The following ELOVL2 variants were observed in gnomAD, a reference collection of about 807,000 sequenced individuals.
ELOVL2 encodes ELOVL fatty acid elongase 2, also known as very long chain fatty acid elongase 2.
In ELOVL2, 38 loss-of-function variants were observed where a neutral mutation model predicts 37.7. The observed-to-expected ratio is 1.01, with a 90% CI of 0.78 to 1.32. The LOEUF is 1.32. ELOVL2 is among the 40% of genes most tolerant of loss of function. The pLI, the probability that ELOVL2 is intolerant of heterozygous loss-of-function variation, is 0.00. For synonymous variants in ELOVL2, 115 were observed against 122.3 expected (o/e 0.94, Z 0.40); for missense variants, 352 against 363.6 (o/e 0.97, Z 0.26).
Position 10,989,691 on chromosome 6 carries a change from C to A in ELOVL2, c.765+12G>T. The A allele has an allele frequency of 6.2e-7, 1 of 1,608,762 alleles. No homozygotes were observed. Among genetic ancestry groups the A allele is most frequent in the African/African-American group, 1.3e-5 (1 of 74,586 alleles). Reference sequence around the variant, plus strand: ...ATTACATTTTACTGCTGAATATTTACATTCCACGTACCTGAACGTAAAAAT... The same window carrying A: ...ATTACATTTTACTGCTGAATATTTAAATTCCACGTACCTGAACGTAAAAAT... On this transcript the variant is annotated intron_variant, in intron 7 of 7. Coordinates refer to ENST00000354666, the MANE Select transcript of ELOVL2 (RefSeq NM_017770.4).
chr6:11,010,909 A>G, intron 1 of ELOVL2, 100 bp from the exon 2 acceptor site: 2 of 874,410 alleles, frequency 2.3e-6, no homozygotes, highest in South Asian at 3.0e-5. Flanking sequence ...ACAGACTTTC[A>G]AAGGGTCCCA....
intron 1 of ELOVL2, among the ~76,000 whole-genome samples, chr6:11,038,863 A>T (rs574001839): frequency 6.6e-6 from 1 of 152,364 alleles, no homozygotes; most frequent in African/African-American, 2.4e-5. Context: ...ATTTATCAAG[A>T]GATTAATGAT....
intron 5 of ELOVL2, 149 bp downstream of exon 5, chr6:10,994,858 G>A (rs963958099): frequency 1.5e-5 from 9 of 599,416 alleles, no homozygotes; most frequent in Non-Finnish European, 2.6e-5. Context: ...CATGACCCCT[G>A]GCAGACACGG....
intron 1 of ELOVL2, among the ~76,000 whole-genome samples, chr6:11,029,223 C>CAAAAAAAAAAAAAAAAAAAAAAA (rs376639413): frequency 1.3e-5 from 1 of 75,788 alleles, no homozygotes; most frequent in African/African-American, 5.2e-5. Flanking sequence ...AGGGAGATCT[C>CAAAAAAAAAAAAAAAAAAAAAAA]AAAAAAAAAA....
chr6:11,001,555 T>G (rs1003501852), intron 3 of ELOVL2, among the ~76,000 whole-genome samples: 1 of 152,218 alleles, frequency 6.6e-6, no homozygotes, highest in Non-Finnish European at 1.5e-5. Context: ...ATGGTCAGGT[T>G]GTAGTTCTGT....
intron 1 of ELOVL2, among the ~76,000 whole-genome samples, chr6:11,022,589 T>C (rs1292686685): frequency 6.6e-6 from 1 of 152,232 alleles, no homozygotes; most frequent in Non-Finnish European, 1.5e-5. Flanking sequence ...ACATAAATTA[T>C]ATACACACAA....
At chr6:10,983,930 G>A in intron 7 of ELOVL2, 24 bp from the exon 8 acceptor site, 2 of 1,586,584 alleles carry the variant, frequency 1.3e-6, no homozygotes, top group Admixed American at 1.8e-5. Context: ...ATATTTTGAA[G>A]AGAAAAATAA....
At chr6:10,997,522 A>G (rs1385454075) in intron 4 of ELOVL2, among the ~76,000 whole-genome samples, 2 of 152,236 alleles carry the variant, frequency 1.3e-5, no homozygotes, top group East Asian at 1.9e-4. Flanking sequence ...CTTCTAACCA[A>G]TAACAGTTCT....
chr6:11,019,737 G>T (rs950937004), intron 1 of ELOVL2, among the ~76,000 whole-genome samples: 5 of 149,804 alleles, frequency 3.3e-5, no homozygotes, highest in Admixed American at 6.7e-5. Flanking sequence ...TTTAGTTTTT[G>T]TTGTTGTTGT....
chr6:10,985,489 G>A (rs1413595470), intron 7 of ELOVL2, among the ~76,000 whole-genome samples: 3 of 129,804 alleles, frequency 2.3e-5, no homozygotes, highest in South Asian at 2.8e-4. Flanking sequence ...TAGGTCTAAC[G>A]TTTAAGTCTT....
intron 1 of ELOVL2, among the ~76,000 whole-genome samples, chr6:11,024,595 T>C (rs1468965741): frequency 6.6e-6 from 1 of 152,214 alleles, no homozygotes; most frequent in Non-Finnish European, 1.5e-5. Flanking sequence ...ACAATGATAA[T>C]GAGTCTCTTT....
At chr6:11,022,403 C>G (rs1480509059) in intron 1 of ELOVL2, among the ~76,000 whole-genome samples, 1 of 152,166 alleles carries the variant, frequency 6.6e-6, no homozygotes, top group African/African-American at 2.4e-5. Context: ...AGAGAGGGGC[C>G]TGAGCAAGAG....
intron 2 of ELOVL2, among the ~76,000 whole-genome samples, chr6:11,010,000 C>G (rs1348409028): frequency 6.6e-6 from 1 of 151,282 alleles, no homozygotes; most frequent in Non-Finnish European, 1.5e-5. Flanking sequence ...CCTACGGGCC[C>G]CGGGCAGAGA....
intron 1 of ELOVL2, among the ~76,000 whole-genome samples, chr6:11,033,539 A>C (rs928811490): frequency 3.3e-5 from 5 of 152,226 alleles, no homozygotes; most frequent in African/African-American, 1.2e-4. Flanking sequence ...GATTATGTAG[A>C]GCTCTTAAGA....
In ELOVL2 at chr6:10,983,906, T is replaced by C. The variant is rs1781991503; in HGVS notation, c.766A>G (p.Thr256Ala). Residue 256 changes from threonine (T) to alanine (A), a missense_variant and splice_region_variant, in exon 8 of 8, where the codon ACA becomes GCA. Thr to Ala is a moderately conservative substitution (Grantham distance 58, BLOSUM62 0). Transcript: ENST00000354666. ...TTCTTCATTGGCTTTTTTCGGTATG[T>C]CTGTTGGATGTGTATATTTTGAAGA... ...VILFLNFYVQ[T>A]YRKKPMKKDM... 1.2e-6 allele frequency: 2 copies of C among 1,609,940 alleles called. No homozygotes were observed. Among genetic ancestry groups the C allele is most frequent in the African/African-American group, 1.3e-5 (1 of 74,582 alleles).
intron 1 of ELOVL2, among the ~76,000 whole-genome samples, chr6:11,025,929 T>G (rs765155966): frequency 1.3e-5 from 2 of 152,216 alleles, no homozygotes; most frequent in African/African-American, 2.4e-5. Context: ...TGTAAAAGAT[T>G]TATAGTCTTT....
At chr6:11,008,318 T>C (rs969647444) in intron 2 of ELOVL2, among the ~76,000 whole-genome samples, 3 of 152,222 alleles carry the variant, frequency 2.0e-5, no homozygotes, top group African/African-American at 4.8e-5. Flanking sequence ...CTTTCCTCAA[T>C]TGATCCCACA....
intron 4 of ELOVL2, among the ~76,000 whole-genome samples, chr6:10,997,338 T>C (rs1782287922): frequency 6.6e-6 from 1 of 152,194 alleles, no homozygotes; most frequent in Admixed American, 6.5e-5. Flanking sequence ...CATTCTGTTG[T>C]CTATCAACAT....
chr6:11,005,710 G>A, intron 2 of ELOVL2, 151 bp from the exon 3 acceptor site: 2 of 638,622 alleles, frequency 3.1e-6, no homozygotes, highest in East Asian at 2.9e-5. Flanking sequence ...TAGAGTTCAG[G>A]GGAAGAGGAA....
Sources: gnomAD v4.1 joint callset for allele counts (sites outside exome capture counted in the v4.1 genomes callset) on GRCh38, gnomAD v4.1.1 for gene constraint, MANE v1.5 for transcripts, NCBI Gene and HGNC (gene_info 2026-07-23, HGNC 2026-07-21) for gene names.